Variants in LOC400499 observed in about 807,000 individuals in gnomAD.
chr16:11,458,335 G>C, the LOC400499 span, among the ~76,000 whole-genome samples: 1,606 of 152,080 alleles, frequency 0.011, 20 homozygotes, highest in African/African-American at 0.037. Context: ...AACAGGCTGA[G>C]ACTCCATCTC....
chr16:11,384,091 C>T, the LOC400499 span: 1 of 1,229,896 alleles, frequency 8.1e-7, no homozygotes, highest in Non-Finnish European at 1.0e-6. Context: ...GGAGACTTCC[C>T]CCAAACCCTG....
At chr16:11,396,391 T>A in the LOC400499 span, 1 of 979,644 alleles carries the variant, frequency 1.0e-6, no homozygotes, top group African/African-American at 1.7e-5. Flanking sequence ...TTGCAGTTCC[T>A]CAGATAGCCA....
At chr16:11,493,429 T>A in the LOC400499 span, among the ~76,000 whole-genome samples, 9 of 152,318 alleles carry the variant, frequency 5.9e-5, no homozygotes, top group African/African-American at 1.7e-4. Context: ...CAGATGGCAC[T>A]GGTAATCATA....
the LOC400499 span, chr16:11,391,581 G>T: frequency 1.8e-6 from 2 of 1,130,014 alleles, no homozygotes; most frequent in South Asian, 4.5e-5. Context: ...CAGTGCCACA[G>T]GCCAATGTGA....
At chr16:11,409,036 A>G in the LOC400499 span, among the ~76,000 whole-genome samples, 137,294 of 151,696 alleles carry the variant, frequency 0.91, 62,992 homozygotes, top group Non-Finnish European at 0.99. Context: ...TGAGGTGGGC[A>G]GATCATTTGA....
the LOC400499 span, among the ~76,000 whole-genome samples, chr16:11,430,153 G>A: frequency 2.3e-4 from 35 of 152,094 alleles, no homozygotes; most frequent in Non-Finnish European, 4.3e-4. Flanking sequence ...AAACCCAGAC[G>A]GAGGGCTGTT....
the LOC400499 span, among the ~76,000 whole-genome samples, chr16:11,461,673 TGACTCCCA>T: frequency 1.3e-5 from 2 of 152,198 alleles, no homozygotes; most frequent in Non-Finnish European, 2.9e-5. Flanking sequence ...CCAGCTGTTA[TGACTCCCA>T]GACACCCACA....
the LOC400499 span, among the ~76,000 whole-genome samples, chr16:11,388,437 G>A: frequency 4.3e-4 from 66 of 152,312 alleles, 1 homozygote; most frequent in East Asian, 0.012. Context: ...CTGAGGCAGA[G>A]GAATCCTAGT....
At chr16:11,398,562 TG>T in the LOC400499 span, 2 of 1,215,988 alleles carry the variant, frequency 1.6e-6, no homozygotes, top group African/African-American at 3.1e-5. Context: ...AGAATGCCCA[TG>T]GCCAGCTGCA....
chr16:11,475,467 T>C, the LOC400499 span, among the ~76,000 whole-genome samples: 1 of 152,244 alleles, frequency 6.6e-6, no homozygotes, highest in Non-Finnish European at 1.5e-5. Flanking sequence ...AAAGTAGATG[T>C]CTAAATTGAT....
At chr16:11,458,421 C>T in the LOC400499 span, among the ~76,000 whole-genome samples, 3 of 151,578 alleles carry the variant, frequency 2.0e-5, no homozygotes, top group South Asian at 4.2e-4. Context: ...AGGAGAATCG[C>T]TTGAACCTGG....
At chr16:11,476,265 G>T in the LOC400499 span, among the ~76,000 whole-genome samples, 1 of 151,924 alleles carries the variant, frequency 6.6e-6, no homozygotes, top group Non-Finnish European at 1.5e-5. Flanking sequence ...GGGTAGGTGG[G>T]GCAGCCTGGA....
chr16:11,525,292 CAAAA>C, the LOC400499 span, among the ~76,000 whole-genome samples: 12 of 125,002 alleles, frequency 9.6e-5, no homozygotes, highest in Non-Finnish European at 1.2e-4. Flanking sequence ...GACCTTGTCC[CAAAA>C]AAAAAAAAAA....
chr16:11,447,327 G>A, the LOC400499 span, among the ~76,000 whole-genome samples: 4 of 152,284 alleles, frequency 2.6e-5, no homozygotes, highest in Non-Finnish European at 4.4e-5. Context: ...ATTGGACACA[G>A]TGGTCAGGGT....
chr16:11,404,201 T>G, the LOC400499 span, among the ~76,000 whole-genome samples: 1 of 152,134 alleles, frequency 6.6e-6, no homozygotes, highest in Non-Finnish European at 1.5e-5. Flanking sequence ...TCACAGCCTT[T>G]CCCACTCGTG....
chr16:11,516,011 A>T, the LOC400499 span: 1 of 399,462 alleles, frequency 2.5e-6, no homozygotes, highest in Non-Finnish European at 4.4e-6. Context: ...TGTCTTGTGT[A>T]GCCAGTCCCC....
At chr16:11,423,979 G>A in the LOC400499 span, 3 of 398,016 alleles carry the variant, frequency 7.5e-6, no homozygotes, top group Admixed American at 8.8e-5. Context: ...GGAGCTGCTC[G>A]CCATCCAAGA....
the LOC400499 span, among the ~76,000 whole-genome samples, chr16:11,400,462 G>A: frequency 1.3e-5 from 1 of 79,080 alleles, no homozygotes; most frequent in Non-Finnish European, 2.3e-5. Flanking sequence ...TTTTTCTTCT[G>A]AGACTGTCTC....
the LOC400499 span, among the ~76,000 whole-genome samples, chr16:11,405,027 C>G: frequency 5.9e-4 from 90 of 152,318 alleles, no homozygotes; most frequent in Admixed American, 3.5e-3. Flanking sequence ...CCAAATGCTT[C>G]CTAAGGATGA....
Sources: gnomAD v4.1 joint callset for allele counts (sites outside exome capture counted in the v4.1 genomes callset) on GRCh38, gnomAD v4.1.1 for gene constraint, MANE v1.5 for transcripts.